Variants in AKT3 observed in about 807,000 individuals in gnomAD.
AKT3 encodes AKT serine/threonine kinase 3.
In AKT3, 15 loss-of-function variants were observed where a neutral mutation model predicts 65.3. The observed-to-expected ratio is 0.23, with a 90% confidence interval of 0.15 to 0.35. AKT3 has a LOEUF of 0.35. AKT3 is among the 10% of genes least tolerant of loss of function. The pLI is 1.00. For synonymous variants in AKT3, 206 were observed against 183.8 expected, an observed-to-expected ratio of 1.12 and a Z score of -0.98; for missense variants, 243 against 576.5, an observed-to-expected ratio of 0.42 and a Z score of 5.92.
chr1:243,850,088 G>A lies in AKT3; in HGVS notation c.-161C>T, dbSNP rs1164798499. 4 of 542,872 alleles carry A rather than the reference G, an allele frequency of 7.4e-6. No homozygotes were observed. The highest frequency in any genetic ancestry group is 9.4e-6 in the Non-Finnish European group (4 of 426,840). The allele number at this position is 542,872 out of a possible 1,614,324, so 33.6% of individuals were successfully genotyped here. ...GCGGCCCCGCAGCTGCTCGGGCGGC[G>A]GCGGAGGATGGAGCCGGGGGGGGGC... On this transcript the variant is annotated 5_prime_UTR_variant, in exon 1 of 14. Coordinates refer to ENST00000673466, the MANE Select transcript of AKT3 (RefSeq NM_005465.7).
At chr1:243,835,356 C>A (rs1694829546) in intron 2 of AKT3, among the ~76,000 whole-genome samples, 1 of 152,106 alleles carries the variant, frequency 6.6e-6, no homozygotes. Context: ...AAGTGAGGAT[C>A]TTAAAACTAC....
intron 2 of AKT3, among the ~76,000 whole-genome samples, chr1:243,795,496 G>T (rs866323713): frequency 8.1e-6 from 1 of 124,180 alleles, no homozygotes; most frequent in Non-Finnish European, 1.6e-5. Context: ...TTTTGAGACG[G>T]AGTCTCGCTC....
intron 13 of AKT3, chr1:243,489,190 A>G (rs1665765633): frequency 1.9e-6 from 3 of 1,601,184 alleles, no homozygotes; most frequent in Admixed American, 1.7e-5. Context: ...GGGCGTCTAC[A>G]GGTGGATCTT....
intron 6 of AKT3, among the ~76,000 whole-genome samples, chr1:243,636,487 G>A (rs1245626249): frequency 6.6e-6 from 1 of 151,934 alleles, no homozygotes; most frequent in Non-Finnish European, 1.5e-5. Flanking sequence ...TGCCAGCTAG[G>A]ATGCTAAATA....
At chr1:243,725,533 A>G (rs1360427041) in intron 2 of AKT3, among the ~76,000 whole-genome samples, 1 of 152,186 alleles carries the variant, frequency 6.6e-6, no homozygotes, top group Non-Finnish European at 1.5e-5. Flanking sequence ...CAGAGACAAG[A>G]ATAATATACT....
At chr1:243,596,317 G>A (rs970776270) in intron 8 of AKT3, among the ~76,000 whole-genome samples, 2 of 152,146 alleles carry the variant, frequency 1.3e-5, no homozygotes, top group Non-Finnish European at 2.9e-5. Context: ...GCAAGCTACA[G>A]TCTGGAAGAA....
chr1:243,797,968 C>CAG (rs1692130457), intron 2 of AKT3, among the ~76,000 whole-genome samples: 1 of 149,666 alleles, frequency 6.7e-6, no homozygotes, highest in South Asian at 2.1e-4. Flanking sequence ...CTAAAAGCTC[C>CAG]ACCTCCTGGG....
rs1455442111 is a variant in AKT3, at chr1:243,502,075, G to A, written c.*3174C>T. 4.3e-6 allele frequency: 1 copy of A among 232,440 alleles called. No individual in the cohort carries two copies. The highest frequency in any genetic ancestry group is 6.1e-5 in the East Asian group (1 of 16,396). The allele number at this position is 232,440 out of a possible 1,614,324, so 14.4% of individuals were successfully genotyped here. ...ATGTCACAAACTATAAAGCTACAGG[G>A]AGGTAATTCAATTACCAATTTAGAG... is the stretch of plus-strand genomic sequence containing the variant. On this transcript the variant is annotated 3_prime_UTR_variant, in exon 14 of 14. Coordinates refer to ENST00000673466, the MANE Select transcript of AKT3 (RefSeq NM_005465.7).
intron 11 of AKT3, among the ~76,000 whole-genome samples, chr1:243,549,870 C>T (rs1672925480): frequency 6.6e-6 from 1 of 152,210 alleles, no homozygotes; most frequent in Non-Finnish European, 1.5e-5. Flanking sequence ...ATCTCACCCT[C>T]TTCTGAATGA....
chr1:243,563,015 TTTTG>T (rs1009588193), intron 10 of AKT3, among the ~76,000 whole-genome samples: 10 of 152,316 alleles, frequency 6.6e-5, no homozygotes, highest in South Asian at 2.1e-4. Context: ...AATCTTGCTT[TTTTG>T]TTTGTTTGTT....
chr1:243,567,342 C>A (rs1674231102), intron 9 of AKT3, among the ~76,000 whole-genome samples: 1 of 152,072 alleles, frequency 6.6e-6, no homozygotes, highest in South Asian at 2.1e-4. Flanking sequence ...GGGTCTCGCT[C>A]TGTTGCCTAG....
chr1:243,719,597 T>C (rs1444608452), intron 2 of AKT3, among the ~76,000 whole-genome samples: 1 of 152,134 alleles, frequency 6.6e-6, no homozygotes, highest in East Asian at 1.9e-4. Context: ...AGTGCTTTAC[T>C]ACAATGAAAG....
intron 11 of AKT3, among the ~76,000 whole-genome samples, chr1:243,549,441 A>T (rs545260181): frequency 2.0e-4 from 30 of 151,870 alleles, no homozygotes; most frequent in Middle Eastern, 3.4e-3. Flanking sequence ...TATTCTTTTT[A>T]AAAAAAAGAC....
At chr1:243,580,728 C>T (rs1675275057) in intron 8 of AKT3, among the ~76,000 whole-genome samples, 1 of 152,174 alleles carries the variant, frequency 6.6e-6, no homozygotes. Flanking sequence ...TTCGCATGTG[C>T]CATTGCCGGG....
At chr1:243,842,656 T>C (rs555741181) in intron 2 of AKT3, among the ~76,000 whole-genome samples, 7 of 152,342 alleles carry the variant, frequency 4.6e-5, no homozygotes, top group African/African-American at 1.7e-4. Context: ...ACCAAATTTA[T>C]GGGATTAATC....
rs141420580 is a variant in AKT3 at position 243,607,627 on chromosome 1, T to C, written c.696+6044A>G. Among the ~76,000 whole-genome samples, 720 of 152,282 alleles carry C rather than the reference T, an allele frequency of 4.7e-3. 5 individuals carry two copies. The highest frequency in any genetic ancestry group is 0.017 in the African/African-American group (697 of 41,548). ...CAGATGAGACTTTGAACTTGGACTTTTGGGATATTGCTGAAATGAATTAAG... is the reference window on the plus strand; with the variant it reads ...CAGATGAGACTTTGAACTTGGACTTCTGGGATATTGCTGAAATGAATTAAG... On this transcript the variant is annotated intron_variant, in intron 8 of 13. Transcript: ENST00000673466.
intron 8 of AKT3, among the ~76,000 whole-genome samples, chr1:243,605,879 T>C (rs991900122): frequency 1.3e-4 from 20 of 152,332 alleles, no homozygotes; most frequent in African/African-American, 4.8e-4. Context: ...AGGGATCCAC[T>C]GGAAGGTAAT....
chr1:243,799,562 G>A (rs1692255799), intron 2 of AKT3, among the ~76,000 whole-genome samples: 1 of 152,128 alleles, frequency 6.6e-6, no homozygotes, highest in Admixed American at 6.5e-5. Context: ...CTAGGGGTAG[G>A]GGATGATAAA....
chr1:243,630,319 C>G (rs1167961713), intron 6 of AKT3, among the ~76,000 whole-genome samples: 1 of 152,196 alleles, frequency 6.6e-6, no homozygotes, highest in African/African-American at 2.4e-5. Flanking sequence ...TAACCCAAAT[C>G]AGGAATGGGT....
Sources: gnomAD v4.1 joint callset for allele counts (sites outside exome capture counted in the v4.1 genomes callset) on GRCh38, gnomAD v4.1.1 for gene constraint, MANE v1.5 for transcripts, NCBI Gene and HGNC (gene_info 2026-07-23, HGNC 2026-07-21) for gene names.